Variants in FBRS observed in about 807,000 individuals in gnomAD.
The protein encoded by FBRS is probable fibrosin-1.
FBRS carries 15 observed loss-of-function variants against 86.1 expected under a neutral mutation model. The observed-to-expected ratio is 0.17, with a 90% CI of 0.12 to 0.27. The LOEUF (loss-of-function observed/expected upper bound fraction) is 0.27. FBRS is among the 10% of genes least tolerant of loss of function. FBRS has a pLI of 1.00. For synonymous variants in FBRS, 666 were observed against 575.8 expected, an observed-to-expected ratio of 1.16 and a Z score of -2.24; for missense variants, 1,367 against 1,301.6, an observed-to-expected ratio of 1.05 and a Z score of -0.77.
chr16:30,667,344 C>G lies in FBRS; in HGVS notation c.1900C>G (p.Arg634Gly), dbSNP rs773308863. The G allele has an allele frequency of 4.5e-6, 7 of 1,553,750 alleles. No individual in the cohort carries two copies. Among genetic ancestry groups the G allele is most frequent in the Non-Finnish European group, 6.1e-6 (7 of 1,148,262 alleles). The change falls in exon 14 of 18, where the codon CGG becomes GGG. Residue 634 changes from arginine (R) to glycine (G), a missense_variant. This residue lies in a region of FBRS where 659 missense variants were observed against 678.8 expected (regional missense o/e 0.97). Transcript: ENST00000356166. ...MKGDSHKLDFRNDLLPCLPGP... is the reference protein window; with the variant it reads ...MKGDSHKLDFGNDLLPCLPGP... ...GGGTGACTCCCACAAGCTTGACTTTCGGAATGACCTCCTGCCCTGCCTTCC... is the reference window on the plus strand; with the variant it reads ...GGGTGACTCCCACAAGCTTGACTTTGGGAATGACCTCCTGCCCTGCCTTCC...
chr16:30,668,966 G>A lies in FBRS; in HGVS notation c.2353G>A (p.Glu785Lys). The change falls in exon 17 of 18, where the codon GAG (glutamate) becomes AAG (lysine). Residue 785 changes from glutamate to lysine, a missense_variant. Glu to Lys is a moderately conservative substitution (Grantham distance 56, BLOSUM62 1). Around this residue, in one of 3 missense-constraint regions of FBRS, gnomAD observed 659 missense variants for 678.8 expected, o/e 0.97. Transcript: ENST00000356166. ...VERREPSITK[E>K]EKDRDLPFSR... is the part of the protein sequence containing the mutation. ...GCGGAGGGAGCCCTCCATCACCAAGGAGGAGAAGGACAGGTGTGCCTCCCA... is the reference window on the plus strand; with the variant it reads ...GCGGAGGGAGCCCTCCATCACCAAGAAGGAGAAGGACAGGTGTGCCTCCCA... The A allele has an allele frequency of 1.3e-6, 2 of 1,581,244 alleles. No individual in the cohort carries two copies.
intron 13 of FBRS, 22 bp downstream of exon 13, chr16:30,667,012 G>T (rs755834700): frequency 6.3e-7 from 1 of 1,594,456 alleles, no homozygotes; most frequent in South Asian, 1.1e-5. Context: ...GGAGGGCTGG[G>T]GAGAGTGGGT....
chr16:30,660,201 C>T, intron 1 of FBRS, 62 bp from the exon 2 acceptor site: 2 of 1,383,960 alleles, frequency 1.4e-6, no homozygotes, highest in East Asian at 2.9e-5. Context: ...ACCTGGTCAC[C>T]CCTAGAGGGG....
chr16:30,659,016 A>T lies in FBRS; in HGVS notation c.-503A>T, dbSNP rs940266097. On this transcript the variant is annotated 5_prime_UTR_variant, in exon 1 of 18. Transcript: ENST00000356166. The stretch of plus-strand genomic sequence containing the variant: ...GCCCTTAAAGGGACGGCCTGCTGTT[A>T]GAAGGACCCTGGACTCCTTAAAGGG... 5.9e-5 allele frequency: 9 copies of T among 152,238 alleles called. No individual in the cohort carries two copies. Among genetic ancestry groups the T allele is most frequent in the African/African-American group, 2.2e-4 (9 of 41,536 alleles). The allele number at this position is 152,238 out of a possible 1,614,324, so 9.4% of individuals were successfully genotyped here.
chr16:30,661,256 C>T (rs1287393860), intron 3 of FBRS, 41 bp downstream of exon 3: 1 of 1,550,868 alleles, frequency 6.4e-7, no homozygotes, highest in Non-Finnish European at 8.7e-7. Flanking sequence ...CCTGCTCCAC[C>T]CTGGGCCTCT....
chr16:30,662,786 C>T lies in FBRS; in HGVS notation c.982C>T (p.Leu328=), dbSNP rs1055664768. 4 of 1,499,462 alleles carry T rather than the reference C, an allele frequency of 2.7e-6. No homozygotes were observed. The highest frequency in any genetic ancestry group is 3.6e-6 in the Non-Finnish European group (4 of 1,119,030). The allele number at this position is 1,499,462 out of a possible 1,614,324, so 92.9% of individuals were successfully genotyped here. The change falls in exon 6 of 18, where the codon CTG becomes TTG. Residue 328 remains leucine, a synonymous_variant. Transcript: ENST00000356166. ...PSLPPPPQPQ[L]QLRVSPFGLR... The stretch of plus-strand genomic sequence containing the variant: ...TCTGCCACCCCCACCCCAGCCCCAG[C>T]TGCAGCTTCGGGTCTCACCCTTCGG...
Position 30,660,333 on chromosome 16 carries a change from G to A in FBRS, c.530G>A (p.Gly177Glu). The A allele has an allele frequency of 5.4e-6, 7 of 1,302,172 alleles. No individual in the cohort carries two copies. The highest frequency in any genetic ancestry group is 6.9e-6 in the Non-Finnish European group (7 of 1,016,110). The allele number at this position is 1,302,172 out of a possible 1,614,324, so 80.7% of individuals were successfully genotyped here. The change falls in exon 2 of 18, where the codon GGG (glycine) becomes GAG (glutamate). Residue 177 changes from glycine (G) to glutamate (E), a missense_variant. Gly to Glu is a moderately conservative substitution (Grantham distance 98). This residue lies in a region of FBRS where 702 missense variants were observed against 598.7 expected (regional missense o/e 1.17). Coordinates refer to ENST00000356166, the MANE Select transcript of FBRS (RefSeq NM_001105079.3). The stretch of plus-strand genomic sequence containing the variant: ...AAGCATTCTGGGAAGCGGAAAAGGG[G>A]GGGCTCCAGTGGGGCCACCGGGGAG... ...RLKHSGKRKR[G>E]GSSGATGEPG...
At position 30,665,638 on chromosome 16, in the gene FBRS, A is replaced by G; in HGVS notation, c.1705A>G (p.Ser569Gly). The G allele has an allele frequency of 6.3e-7, 1 of 1,586,030 alleles. No homozygotes were observed. The highest frequency in any genetic ancestry group is 8.6e-7 in the Non-Finnish European group (1 of 1,166,482). ...GSLQGAFQPK[S>G]TNPELPPRLG... ...TGATCCCTCCACTCCCCTTTCCCAGAGCACGAACCCTGAGCTGCCACCACG... is the reference window on the plus strand; with the variant it reads ...TGATCCCTCCACTCCCCTTTCCCAGGGCACGAACCCTGAGCTGCCACCACG... Residue 569 changes from serine (S) to glycine (G), a missense_variant and splice_region_variant, in exon 11 of 18, where the codon AGC (serine) becomes GGC (glycine). This residue lies in a region of FBRS where 659 missense variants were observed against 678.8 expected (regional missense o/e 0.97). Transcript: ENST00000356166. The surrounding 1 kb of genome is among the most constrained non-coding windows in gnomAD (Gnocchi z 4.1).
intron 2 of FBRS, 71 bp from the exon 3 acceptor site, chr16:30,661,109 G>C: frequency 1.9e-6 from 3 of 1,548,630 alleles, no homozygotes; most frequent in African/African-American, 1.4e-5. Context: ...TGAGCGCCCT[G>C]CTGGGAGCTG....
rs915383947 is a variant in FBRS at position 30,659,375 on chromosome 16, G to A, written c.-144G>A. 2 of 198,620 alleles carry A rather than the reference G, an allele frequency of 1.0e-5. No individual in the cohort carries two copies. The highest frequency in any genetic ancestry group is 2.4e-5 in the African/African-American group (1 of 42,316). The allele number at this position is 198,620 out of a possible 1,614,324, so 12.3% of individuals were successfully genotyped here. On this transcript the variant is annotated 5_prime_UTR_variant, in exon 1 of 18. Coordinates refer to ENST00000356166, the MANE Select transcript of FBRS (RefSeq NM_001105079.3). Reference sequence around the variant, plus strand: ...CGGGCCGTGGCCTTGGGGCAAGCTCGGGGCCAGCAGATCCGGCTTTAAAGG... The same window carrying A: ...CGGGCCGTGGCCTTGGGGCAAGCTCAGGGCCAGCAGATCCGGCTTTAAAGG...
At position 30,664,703 on chromosome 16, in the gene FBRS, C is replaced by T; in HGVS notation, c.1358-12C>T. On this transcript the variant is annotated splice_polypyrimidine_tract_variant and intron_variant, in intron 7 of 17. Coordinates refer to ENST00000356166, the MANE Select transcript of FBRS (RefSeq NM_001105079.3). ...CGACAGCATTAAAGCCTTCTCCCGT[C>T]CCCTCCCACAGAGCAGGACCTGATC... 6.6e-7 allele frequency: 1 copy of T among 1,507,862 alleles called. No homozygotes were observed. The allele number at this position is 1,507,862 out of a possible 1,614,324, so 93.4% of individuals were successfully genotyped here. A position where few individuals can be genotyped will look rare whatever the true frequency, so the allele number is the denominator to read the frequency against.
rs770049951 is a variant in FBRS, at chr16:30,669,293, C to T, written c.2591C>T (p.Pro864Leu). Reference sequence around the variant, plus strand: ...CACCTGCTGTTTGAGAGGCCCCGGCCGCCCCCGTTTCTGGGCCCTAGCCCA... The same window carrying T: ...CACCTGCTGTTTGAGAGGCCCCGGCTGCCCCCGTTTCTGGGCCCTAGCCCA... ...GLHLLFERPR[P>L]PPFLGPSPPD... The change falls in exon 18 of 18, where the codon CCG becomes CTG. Residue 864 changes from proline to leucine, a missense_variant. Pro to Leu is a moderately conservative substitution (Grantham distance 98). This residue lies in a region of FBRS where 659 missense variants were observed against 678.8 expected (regional missense o/e 0.97). Transcript: ENST00000356166. The surrounding 1 kb of genome is among the most constrained non-coding windows in gnomAD (Gnocchi z 5.9). 8.1e-5 allele frequency: 129 copies of T among 1,587,836 alleles called. No individual in the cohort carries two copies. Among genetic ancestry groups the T allele is most frequent in the Non-Finnish European group, 1.0e-4 (119 of 1,168,016 alleles).
chr16:30,669,911 G>C lies in FBRS; in HGVS notation c.*266G>C. ...GAGTGTGGCTCATCTCGGGGGCCAT[G>C]GGGCCTCCTGAGGTACACCTTTGCC... is the stretch of plus-strand genomic sequence containing the variant. On this transcript the variant is annotated 3_prime_UTR_variant, in exon 18 of 18. Transcript: ENST00000356166. This position sits in a 1 kb window ranked among gnomAD's most constrained non-coding sequence, Gnocchi z 5.9. 1 of 588,082 alleles carries C rather than the reference G, an allele frequency of 1.7e-6. No homozygotes were observed. Among genetic ancestry groups the C allele is most frequent in the Non-Finnish European group, 3.0e-6 (1 of 333,070 alleles). The allele number at this position is 588,082 out of a possible 1,614,324, so 36.4% of individuals were successfully genotyped here. A position where few individuals can be genotyped will look rare whatever the true frequency, so the allele number is the denominator to read the frequency against.
chr16:30,666,948 G>C lies in FBRS; in HGVS notation c.1833G>C (p.Val611=). ...RKPGKWCAMH[V]RVAYMILRHQ... The stretch of plus-strand genomic sequence containing the variant: ...CAGGGAAGTGGTGTGCCATGCACGT[G>C]CGTGTGGCTTACATGATCCTGAGAC... The change falls in exon 13 of 18, where the codon GTG becomes GTC. Residue 611 remains valine, a synonymous_variant. Coordinates refer to ENST00000356166, the MANE Select transcript of FBRS (RefSeq NM_001105079.3). The C allele has an allele frequency of 1.2e-6, 2 of 1,612,814 alleles. No individual in the cohort carries two copies. The highest frequency in any genetic ancestry group is 1.7e-6 in the Non-Finnish European group (2 of 1,179,462).
chr16:30,659,347 C>G lies in FBRS; in HGVS notation c.-172C>G, dbSNP rs1458799576. The G allele has an allele frequency of 5.1e-6, 1 of 196,622 alleles. No homozygotes were observed. Among genetic ancestry groups the G allele is most frequent in the African/African-American group, 2.4e-5 (1 of 42,342 alleles). The allele number at this position is 196,622 out of a possible 1,614,324, so 12.2% of individuals were successfully genotyped here. On this transcript the variant is annotated 5_prime_UTR_variant, in exon 1 of 18. Transcript: ENST00000356166. ...TGTCGCCCCGGGGGCGGCGCCGGCT[C>G]CCCGGGCCGTGGCCTTGGGGCAAGC...
chr16:30,666,997 G>C lies in FBRS; in HGVS notation c.1875+7G>C. 6.2e-7 allele frequency: 1 copy of C among 1,603,318 alleles called. No individual in the cohort carries two copies. Among genetic ancestry groups the C allele is most frequent in the Non-Finnish European group, 8.5e-7 (1 of 1,175,094 alleles). On this transcript the variant is annotated splice_region_variant and intron_variant, in intron 13 of 17. Coordinates refer to ENST00000356166, the MANE Select transcript of FBRS (RefSeq NM_001105079.3). ...ACACCAGGAGAAAATGAAGGTACTG[G>C]GGCCGGAGGGCTGGGGAGAGTGGGT...
At position 30,665,258 on chromosome 16, in the gene FBRS, G is replaced by C; in HGVS notation, c.1609-48G>C. ...GTGGACTGACGGGCAGGCTGGACTT[G>C]GGCTGCGCCTCCACCCCCACCTGTA... On this transcript the variant is annotated intron_variant, in intron 9 of 17. Transcript: ENST00000356166. The surrounding 1 kb of genome is among the most constrained non-coding windows in gnomAD (Gnocchi z 4.1). The C allele has an allele frequency of 6.5e-7, 1 of 1,538,540 alleles. No individual in the cohort carries two copies. Among genetic ancestry groups the C allele is most frequent in the Non-Finnish European group, 8.8e-7 (1 of 1,136,760 alleles).
Position 30,669,395 on chromosome 16 carries a change from A to C in FBRS, c.2693A>C (p.Tyr898Ser). 6.2e-7 allele frequency: 1 copy of C among 1,612,706 alleles called. No homozygotes were observed. Among genetic ancestry groups the C allele is most frequent in the Non-Finnish European group, 8.5e-7 (1 of 1,179,754 alleles). Residue 898 changes from tyrosine to serine, a missense_variant, in exon 18 of 18, where the codon TAT (tyrosine) becomes TCT (serine). By Grantham distance (144) the Tyr-to-Ser change is moderately radical (BLOSUM62 -2). Coordinates refer to ENST00000356166, the MANE Select transcript of FBRS (RefSeq NM_001105079.3). This position sits in a 1 kb window ranked among gnomAD's most constrained non-coding sequence, Gnocchi z 5.9. ...PPRLARPPRF[Y>S]EAGEELTGPG... ...CGCCTGGCAAGGCCACCCCGCTTCT[A>C]TGAGGCGGGTGAGGAGCTAACTGGA...
In FBRS at chr16:30,664,328, C is replaced by T; in HGVS notation, c.1169C>T (p.Thr390Ile). ...GCCTCCTCCTCGTCCGCGCAGCTCACCCACCGGCCCCCGACGCCCTCACTG... is the reference window on the plus strand; with the variant it reads ...GCCTCCTCCTCGTCCGCGCAGCTCATCCACCGGCCCCCGACGCCCTCACTG... ...SSASSSSAQLTHRPPTPSLPL... is the reference protein window; with the variant it reads ...SSASSSSAQLIHRPPTPSLPL... Residue 390 changes from threonine to isoleucine, a missense_variant, in exon 7 of 18, where the codon ACC becomes ATC. Thr to Ile is a moderately conservative substitution (Grantham distance 89). Around this residue, in one of 3 missense-constraint regions of FBRS, gnomAD observed 702 missense variants for 598.7 expected, o/e 1.17. Transcript: ENST00000356166. 1 of 1,544,214 alleles carries T rather than the reference C, an allele frequency of 6.5e-7. No homozygotes were observed. The highest frequency in any genetic ancestry group is 1.2e-5 in the South Asian group (1 of 83,588).
Sources: allele counts gnomAD v4.1 joint callset, GRCh38; gene constraint gnomAD v4.1.1; regional missense constraint gnomAD v4.1.1; non-coding constraint Gnocchi (gnomAD v3.1); transcripts MANE v1.5; gene names NCBI Gene and HGNC (gene_info 2026-07-23, HGNC 2026-07-21).